FGD3: variants seen among roughly 807,000 people sequenced by gnomAD.
FGD3 encodes FYVE, RhoGEF and PH domain-containing protein 3.
A neutral mutation model predicts 71.8 loss-of-function variants in FGD3; 45 were observed. That is an observed-to-expected ratio of 0.63 (90% confidence interval 0.49 to 0.80). FGD3 has a LOEUF of 0.80. FGD3 is among the 30% of genes least tolerant of loss of function. The pLI, the probability that FGD3 is intolerant of heterozygous loss-of-function variation, is 0.00. For missense variants in FGD3, 844 were observed against 951.5 expected, an observed-to-expected ratio of 0.89 and a Z score of 1.49; for synonymous variants, 378 against 392.8, an observed-to-expected ratio of 0.96 and a Z score of 0.44.
intron 14 of FGD3, among the ~76,000 whole-genome samples, chr9:93,024,573 C>T (rs1246201093): frequency 6.6e-6 from 1 of 152,260 alleles, no homozygotes; most frequent in African/African-American, 2.4e-5. Flanking sequence ...AGCCACCTGT[C>T]GTTTGTGAAT....
Position 92,976,653 on chromosome 9 carries a change from G to A in FGD3, c.397G>A (p.Glu133Lys). 6.2e-7 allele frequency: 1 copy of A among 1,611,644 alleles called. No homozygotes were observed. The highest frequency in any genetic ancestry group is 8.5e-7 in the Non-Finnish European group (1 of 1,179,272). ...QEEADSDVGE[E>K]PDSENTPQKA... The stretch of plus-strand genomic sequence containing the variant: ...GGAGGCGGACAGCGACGTGGGTGAG[G>A]AACCTGACTCTGAGAACACCCCCCA... The change falls in exon 3 of 18, where the codon GAA (glutamate) becomes AAA (lysine). Residue 133 changes from glutamate to lysine, a missense_variant. Coordinates refer to ENST00000375482, the MANE Select transcript of FGD3 (RefSeq NM_001083536.2).
intron 14 of FGD3, among the ~76,000 whole-genome samples, chr9:93,029,199 G>A (rs1257180959): frequency 6.6e-6 from 1 of 151,384 alleles, no homozygotes; most frequent in East Asian, 1.9e-4. Context: ...TACCATGCCC[G>A]GCTATTTTTT....
At chr9:92,994,813 A>G (rs944432963) in intron 3 of FGD3, among the ~76,000 whole-genome samples, 1 of 152,014 alleles carries the variant, frequency 6.6e-6, no homozygotes, top group African/African-American at 2.4e-5. Context: ...CGGGGGCTCT[A>G]TTCTGTTCCA....
chr9:93,030,253 AC>A (rs1301123810), intron 15 of FGD3, among the ~76,000 whole-genome samples: 1 of 152,220 alleles, frequency 6.6e-6, no homozygotes, highest in Non-Finnish European at 1.5e-5. Context: ...TGGATTTGGA[AC>A]CAGAGAACCC....
Position 92,969,667 on chromosome 9 carries a change from G to T in FGD3, c.-217-5571G>T, listed in dbSNP as rs1294398493. On this transcript the variant is annotated intron_variant, in intron 1 of 17. Coordinates refer to ENST00000375482, the MANE Select transcript of FGD3 (RefSeq NM_001083536.2). The surrounding 1 kb of genome is among the most constrained non-coding windows in gnomAD (Gnocchi z 4.5). ...GTGCCGTGGTGGGTTTCTTTCAGAT[G>T]GGGGGGGACTCCCGCACGGCCTCCC... Among the ~76,000 whole-genome samples the T allele has an allele frequency of 6.6e-6, 1 of 151,732 alleles. No individual in the cohort carries two copies. The highest frequency in any genetic ancestry group is 2.4e-5 in the African/African-American group (1 of 41,310).
Position 92,976,643 on chromosome 9 carries a change from C to T in FGD3, c.387C>T (p.Asp129=), listed in dbSNP as rs35070315. The change falls in exon 3 of 18, where the codon GAC becomes GAT. Residue 129 remains aspartate, a synonymous_variant. Transcript: ENST00000375482. ...CCCCCCAGGAGGAGGCGGACAGCGA[C>T]GTGGGTGAGGAACCTGACTCTGAGA... ...KVTPQEEADS[D]VGEEPDSENT... The T allele has an allele frequency of 1.2e-3, 1,941 of 1,612,382 alleles. 17 individuals carry two copies. The African/African-American group carries it at 0.02, about 17-fold the overall frequency.
Position 93,022,404 on chromosome 9 carries a change from C to T in FGD3, c.1557+15C>T. ...GTGCAGCAGGGGTAAGTGCCCCATG[C>T]TCAGCGGTCAGCAGGGGTGAAAGGC... On this transcript the variant is annotated intron_variant, in intron 14 of 17. Transcript: ENST00000375482. The T allele has an allele frequency of 6.2e-7, 1 of 1,610,930 alleles. No individual in the cohort carries two copies. The highest frequency in any genetic ancestry group is 1.3e-5 in the African/African-American group (1 of 75,030).
intron 3 of FGD3, among the ~76,000 whole-genome samples, chr9:93,001,369 T>C (rs1313630385): frequency 6.6e-6 from 1 of 152,252 alleles, no homozygotes; most frequent in African/African-American, 2.4e-5. Flanking sequence ...TTGTAGCTAA[T>C]TTTGTTTCAT....
At chr9:93,014,765 C>T (rs1861598084) in intron 9 of FGD3, among the ~76,000 whole-genome samples, 1 of 152,174 alleles carries the variant, frequency 6.6e-6, no homozygotes, top group African/African-American at 2.4e-5. Context: ...CCTCAGCCTC[C>T]TGAGTAGCTG....
intron 1 of FGD3, among the ~76,000 whole-genome samples, chr9:92,964,533 C>T (rs1463603028): frequency 6.6e-6 from 1 of 152,178 alleles, no homozygotes; most frequent in African/African-American, 2.4e-5. Context: ...TTGTCTTTCT[C>T]TGGGTTCCTG....
At chr9:93,033,464 C>G (rs1862453942) in intron 16 of FGD3, 1 of 160,656 alleles carries the variant, frequency 6.2e-6, no homozygotes, top group Non-Finnish European at 1.4e-5. Context: ...TCTTCCCTCT[C>G]CTTCTCCTCC....
At chr9:92,996,966 G>T (rs1341799469) in intron 3 of FGD3, among the ~76,000 whole-genome samples, 2 of 152,230 alleles carry the variant, frequency 1.3e-5, no homozygotes, top group Non-Finnish European at 2.9e-5. Context: ...GATCTGGGGT[G>T]TAGAGTTCTG....
chr9:93,023,103 C>T (rs1028224618), intron 14 of FGD3, among the ~76,000 whole-genome samples: 1 of 152,192 alleles, frequency 6.6e-6, no homozygotes, highest in Non-Finnish European at 1.5e-5. Flanking sequence ...GCAACATCAC[C>T]GTGGAGCACC....
intron 10 of FGD3, among the ~76,000 whole-genome samples, chr9:93,017,577 G>A (rs2118780579): frequency 6.6e-6 from 1 of 152,220 alleles, no homozygotes; most frequent in South Asian, 2.1e-4. Flanking sequence ...GATGGAAGAG[G>A]ATGGAATCTG....
intron 13 of FGD3, among the ~76,000 whole-genome samples, chr9:93,021,115 C>T (rs188181068): frequency 1.2e-4 from 19 of 152,344 alleles, no homozygotes; most frequent in African/African-American, 2.4e-4. Flanking sequence ...GCGCTGCCCG[C>T]GTACCACTCT....
chr9:92,956,119 TTTTGTTTGTTTG>T (rs369196118), intron 1 of FGD3, among the ~76,000 whole-genome samples: 7 of 152,110 alleles, frequency 4.6e-5, no homozygotes, highest in Non-Finnish European at 1.0e-4. Flanking sequence ...GTTCTGGGAG[TTTTGTTTGTTTG>T]TTTGTTTGTT....
intron 5 of FGD3, among the ~76,000 whole-genome samples, chr9:93,005,727 C>T (rs1184264900): frequency 6.6e-6 from 1 of 152,226 alleles, no homozygotes; most frequent in Non-Finnish European, 1.5e-5. Flanking sequence ...AACTGTGGTT[C>T]ATCATTCAAG....
At chr9:92,955,600 G>A (rs1172225109) in intron 1 of FGD3, among the ~76,000 whole-genome samples, 3 of 152,108 alleles carry the variant, frequency 2.0e-5, no homozygotes, top group South Asian at 2.1e-4. Context: ...GCCTTTACCC[G>A]GGATTTCCCA....
rs1005615041 is a variant in FGD3 at position 93,014,700 on chromosome 9, G to A, written c.1182+702G>A. Among the ~76,000 whole-genome samples, 11 of 152,202 alleles carry A rather than the reference G, an allele frequency of 7.2e-5. No homozygotes were observed. In the South Asian group the frequency reaches 8.3e-4, roughly 11 times the overall value. Reference sequence around the variant, plus strand: ...TCTGTCACCCAGGCTGGAGTACAGTGGCTCAATCTCGGCTCACTGTAACCT... The same window carrying A: ...TCTGTCACCCAGGCTGGAGTACAGTAGCTCAATCTCGGCTCACTGTAACCT... On this transcript the variant is annotated intron_variant, in intron 9 of 17. Coordinates refer to ENST00000375482, the MANE Select transcript of FGD3 (RefSeq NM_001083536.2).
Sources: gnomAD v4.1 joint callset for allele counts (sites outside exome capture counted in the v4.1 genomes callset) on GRCh38, gnomAD v4.1.1 for gene constraint, Gnocchi (gnomAD v3.1) non-coding constraint, MANE v1.5 for transcripts, NCBI Gene and HGNC (gene_info 2026-07-23, HGNC 2026-07-21) for gene names.